ASPHD2: variants seen among roughly 807,000 people sequenced by gnomAD.
The protein encoded by ASPHD2 is aspartate beta-hydroxylase domain containing 2.
Under a neutral mutation model 34.6 loss-of-function variants are expected in ASPHD2, and 12 were observed. The observed-to-expected ratio is 0.35, with a 90% CI of 0.22 to 0.56. ASPHD2 has a LOEUF of 0.56. ASPHD2 is among the 20% of genes least tolerant of loss of function. The probability of loss-of-function intolerance (pLI) is 0.87; values close to 1 mark genes in which losing one functional copy is unlikely to be tolerated. For missense variants in ASPHD2, 375 were observed against 505.0 expected (o/e 0.74, Z 2.47); for synonymous variants, 224 against 212.2 (o/e 1.06, Z -0.48).
intron 2 of ASPHD2, 33 bp from the exon 3 acceptor site, chr22:26,442,426 C>T: frequency 6.7e-7 from 1 of 1,494,410 alleles, no homozygotes; most frequent in Non-Finnish European, 9.1e-7. Flanking sequence ...ATCTTGCCTG[C>T]CTTCACTCTC....
rs1426546076 is a variant in ASPHD2, at chr22:26,444,428, G to A, written c.*1222G>A. The A allele has an allele frequency of 6.6e-6, 1 of 152,116 alleles. No homozygotes were observed. The highest frequency in any genetic ancestry group is 1.5e-5 in the Non-Finnish European group (1 of 68,034). The allele number at this position is 152,116 out of a possible 1,614,324, so 9.4% of individuals were successfully genotyped here. A position where few individuals can be genotyped will look rare whatever the true frequency, so the allele number is the denominator to read the frequency against. ...CCGTGGCCGTTGTGCTGGTTTTCTG[G>A]TCTCCTGTGAAGAACATGTGGATCT... is the stretch of plus-strand genomic sequence containing the variant. On this transcript the variant is annotated 3_prime_UTR_variant, in exon 4 of 4. Transcript: ENST00000215906.
intron 2 of ASPHD2, among the ~76,000 whole-genome samples, chr22:26,441,707 G>A (rs2084842510): frequency 6.6e-6 from 1 of 151,926 alleles, no homozygotes; most frequent in Non-Finnish European, 1.5e-5. Context: ...GGGTGGACAC[G>A]AGGTCAGGAG....
rs2084745320 is a variant in ASPHD2, at chr22:26,429,732, A to G, written c.-225+246A>G. On this transcript the variant is annotated intron_variant, in intron 1 of 3. Transcript: ENST00000215906. The surrounding 1 kb of genome is among the most constrained non-coding windows in gnomAD (Gnocchi z 4.5). ...CGGAGCCGGGCATCACCCTCCCTAGACCTCCTCCTACTCCTCTTCCCTGCC... is the reference window on the plus strand; with the variant it reads ...CGGAGCCGGGCATCACCCTCCCTAGGCCTCCTCCTACTCCTCTTCCCTGCC... Among the ~76,000 whole-genome samples the G allele has an allele frequency of 6.6e-6, 1 of 150,782 alleles. No individual in the cohort carries two copies. Among genetic ancestry groups the G allele is most frequent in the Non-Finnish European group, 1.5e-5 (1 of 67,624 alleles).
rs1246366545 is a variant in ASPHD2 at position 26,429,318 on chromosome 22, C to G, written c.-393C>G. ...GCGGCGTCGGCACCGGCAGGGGCACCGGCGCGGCTTAGGCTCGGGCTCGGG... is the reference window on the plus strand; with the variant it reads ...GCGGCGTCGGCACCGGCAGGGGCACGGGCGCGGCTTAGGCTCGGGCTCGGG... On this transcript the variant is annotated 5_prime_UTR_variant, in exon 1 of 4. Coordinates refer to ENST00000215906, the MANE Select transcript of ASPHD2 (RefSeq NM_020437.5). This position sits in a 1 kb window ranked among gnomAD's most constrained non-coding sequence, Gnocchi z 4.5. The G allele has an allele frequency of 2.0e-5, 3 of 149,564 alleles. No individual in the cohort carries two copies. Among genetic ancestry groups the G allele is most frequent in the Non-Finnish European group, 3.0e-5 (2 of 67,042 alleles). The allele number at this position is 149,564 out of a possible 1,614,324, so 9.3% of individuals were successfully genotyped here. A position where few individuals can be genotyped will look rare whatever the true frequency, so the allele number is the denominator to read the frequency against.
chr22:26,433,797 T>G lies in ASPHD2; in HGVS notation c.182T>G (p.Val61Gly). 1 of 1,613,964 alleles carries G rather than the reference T, an allele frequency of 6.2e-7. No individual in the cohort carries two copies. Among genetic ancestry groups the G allele is most frequent in the Non-Finnish European group, 8.5e-7 (1 of 1,179,998 alleles). ...QSVRDCDTTA[V>G]ITVACLLVLF... is the part of the protein sequence containing the mutation. ...GTGCGGGACTGCGACACCACCGCTG[T>G]CATCACTGTGGCCTGCCTCCTGGTC... is the stretch of plus-strand genomic sequence containing the variant. The change falls in exon 2 of 4, where the codon GTC becomes GGC. Residue 61 changes from valine (V) to glycine (G), a missense_variant. This residue lies in a region of ASPHD2 where 223 missense variants were observed against 257.8 expected (regional missense o/e 0.87). Coordinates refer to ENST00000215906, the MANE Select transcript of ASPHD2 (RefSeq NM_020437.5). This position sits in a 1 kb window ranked among gnomAD's most constrained non-coding sequence, Gnocchi z 5.1.
In ASPHD2 at chr22:26,433,771, C is replaced by G; in HGVS notation, c.156C>G (p.Ser52=). Residue 52 remains serine (S), a synonymous_variant, in exon 2 of 4, where the codon TCC becomes TCG. Transcript: ENST00000215906. The surrounding 1 kb of genome is among the most constrained non-coding windows in gnomAD (Gnocchi z 5.1). ...ACTGCATCGCCACCGGCATCCAGTCCGTGCGGGACTGCGACACCACCGCTG... is the reference window on the plus strand; with the variant it reads ...ACTGCATCGCCACCGGCATCCAGTCGGTGCGGGACTGCGACACCACCGCTG... ...LRDCIATGIQ[S]VRDCDTTAVI... 1 of 1,613,800 alleles carries G rather than the reference C, an allele frequency of 6.2e-7. No homozygotes were observed. Among genetic ancestry groups the G allele is most frequent in the Admixed American group, 1.7e-5 (1 of 60,010 alleles).
rs1056472323 is a variant in ASPHD2, at chr22:26,433,403, C to G, written c.-213C>G. The stretch of plus-strand genomic sequence containing the variant: ...TTTTTCCATCCCAGGTTTGGTTTTC[C>G]TAAACAAATCCTTTCACAGGGACCG... On this transcript the variant is annotated 5_prime_UTR_variant, in exon 2 of 4. Coordinates refer to ENST00000215906, the MANE Select transcript of ASPHD2 (RefSeq NM_020437.5). This position sits in a 1 kb window ranked among gnomAD's most constrained non-coding sequence, Gnocchi z 5.1. 2 of 549,522 alleles carry G rather than the reference C, an allele frequency of 3.6e-6. No individual in the cohort carries two copies. The highest frequency in any genetic ancestry group is 3.8e-5 in the African/African-American group (2 of 52,216). The allele number at this position is 549,522 out of a possible 1,614,324, so 34.0% of individuals were successfully genotyped here. A position where few individuals can be genotyped will look rare whatever the true frequency, so the allele number is the denominator to read the frequency against.
intron 2 of ASPHD2, among the ~76,000 whole-genome samples, chr22:26,442,105 CAAAAAAAA>C (rs61233112): frequency 1.9e-3 from 190 of 98,176 alleles, no homozygotes; most frequent in Middle Eastern, 5.5e-3. Context: ...GACTCCATTT[CAAAAAAAA>C]AAAAAAAAAA....
chr22:26,433,595 T>A lies in ASPHD2; in HGVS notation c.-21T>A. The A allele has an allele frequency of 6.3e-7, 1 of 1,594,934 alleles. No homozygotes were observed. Among genetic ancestry groups the A allele is most frequent in the South Asian group, 1.1e-5 (1 of 89,042 alleles). Reference sequence around the variant, plus strand: ...TGCCTCCCCCTGCCCCAGCCGCTCCTTCCCCCCCACGCTAATCTGCATGGT... The same window carrying A: ...TGCCTCCCCCTGCCCCAGCCGCTCCATCCCCCCCACGCTAATCTGCATGGT... On this transcript the variant is annotated 5_prime_UTR_variant, in exon 2 of 4. Transcript: ENST00000215906. This position sits in a 1 kb window ranked among gnomAD's most constrained non-coding sequence, Gnocchi z 5.1.
At chr22:26,439,600 G>C (rs935748638) in intron 2 of ASPHD2, among the ~76,000 whole-genome samples, 1 of 152,200 alleles carries the variant, frequency 6.6e-6, no homozygotes, top group East Asian at 1.9e-4. Flanking sequence ...TCTGGAAAGT[G>C]GGTGAAGTGA....
At position 26,442,611 on chromosome 22, in the gene ASPHD2, A is replaced by G. The variant is rs558461685; in HGVS notation, c.1000+39A>G. On this transcript the variant is annotated intron_variant, in intron 3 of 3. Coordinates refer to ENST00000215906, the MANE Select transcript of ASPHD2 (RefSeq NM_020437.5). ...TTTCCCACTTCCTTTTTTTCAATGA[A>G]TAGACTTTTATTTTTTTAGAGAAGT... The G allele has an allele frequency of 2.7e-6, 4 of 1,461,798 alleles. No homozygotes were observed. In the African/African-American group the frequency reaches 4.3e-5, roughly 16 times the overall value. The allele number at this position is 1,461,798 out of a possible 1,614,324, so 90.6% of individuals were successfully genotyped here.
intron 2 of ASPHD2, 102 bp downstream of exon 2, chr22:26,434,603 T>C: frequency 7.5e-7 from 1 of 1,330,006 alleles, no homozygotes; most frequent in South Asian, 1.5e-5. Context: ...TTGCGCCTTT[T>C]CGCATTGTTC....
At chr22:26,442,325 C>T (rs552732639) in intron 2 of ASPHD2, 134 bp from the exon 3 acceptor site, 27 of 645,342 alleles carry the variant, frequency 4.2e-5, no homozygotes, top group Non-Finnish European at 5.9e-5. Context: ...GACCATAGCA[C>T]GGGCTCCAGA....
intron 2 of ASPHD2, among the ~76,000 whole-genome samples, chr22:26,442,132 G>GGGAAAAT (rs1396401159): frequency 2.1e-4 from 31 of 146,454 alleles, no homozygotes; most frequent in Non-Finnish European, 2.1e-4. Flanking sequence ...AAAGGGAAAA[G>GGGAAAAT]AAAAAAAGAT....
At chr22:26,443,030 G>T (rs776585773) in intron 3 of ASPHD2, 67 bp from the exon 4 acceptor site, 71 of 1,214,810 alleles carry the variant, frequency 5.8e-5, no homozygotes, top group Admixed American at 2.0e-4. Context: ...GTCCAGCCCT[G>T]CCTGGATCCT....
chr22:26,438,672 CAT>C (rs1359718155), intron 2 of ASPHD2, among the ~76,000 whole-genome samples: 2 of 108,548 alleles, frequency 1.8e-5, no homozygotes, highest in African/African-American at 3.3e-5. Flanking sequence ...TATACACATA[CAT>C]ACATACACAC....
Position 26,433,944 on chromosome 22 carries a change from C to T in ASPHD2, c.329C>T (p.Ser110Phe), listed in dbSNP as rs1394047199. 2 of 1,613,584 alleles carry T rather than the reference C, an allele frequency of 1.2e-6. No individual in the cohort carries two copies. Among genetic ancestry groups the T allele is most frequent in the Non-Finnish European group, 1.7e-6 (2 of 1,180,040 alleles). ...CAGAATGGCTACGTGTACTGCCAGT[C>T]CCCTGAGTGCGTGCGCTGCACCCAC... ...GLQNGYVYCQSPECVRCTHNE... is the reference protein window; with the variant it reads ...GLQNGYVYCQFPECVRCTHNE... The change falls in exon 2 of 4, where the codon TCC becomes TTC. Residue 110 changes from serine (S) to phenylalanine (F), a missense_variant. By Grantham distance (155) the Ser-to-Phe change is radical. Coordinates refer to ENST00000215906, the MANE Select transcript of ASPHD2 (RefSeq NM_020437.5). The surrounding 1 kb of genome is among the most constrained non-coding windows in gnomAD (Gnocchi z 5.1).
intron 3 of ASPHD2, 85 bp from the exon 4 acceptor site, chr22:26,443,012 C>A: frequency 1.0e-6 from 1 of 957,442 alleles, no homozygotes. Flanking sequence ...CGAAGCTGAG[C>A]ACGTAGGGTC....
intron 2 of ASPHD2, among the ~76,000 whole-genome samples, chr22:26,435,753 AAGAAAAG>A (rs2084788550): frequency 7.7e-6 from 1 of 130,000 alleles, no homozygotes; most frequent in Admixed American, 7.6e-5. Flanking sequence ...AAGAAAAGAA[AAGAAAAG>A]AAAAATATAA....
Sources: gnomAD v4.1 joint callset for allele counts (sites outside exome capture counted in the v4.1 genomes callset) on GRCh38, gnomAD v4.1.1 for gene constraint, gnomAD v4.1.1 regional missense constraint, Gnocchi (gnomAD v3.1) non-coding constraint, MANE v1.5 for transcripts, NCBI Gene and HGNC (gene_info 2026-07-23, HGNC 2026-07-21) for gene names.